Variants in C4orf51 observed in about 807,000 individuals in gnomAD.
C4orf51 encodes chromosome 4 open reading frame 51.
A neutral mutation model predicts 25.2 loss-of-function variants in C4orf51; 25 were observed. The observed-to-expected ratio is 0.99, with a 90% CI of 0.72 to 1.39. The LOEUF is 1.39. Ranked by LOEUF, C4orf51 falls within the 40% of genes most tolerant of loss-of-function variation. The probability of loss-of-function intolerance (pLI) is 0.00; values close to 1 mark genes in which losing one functional copy is unlikely to be tolerated. For missense variants in C4orf51, 252 were observed against 239.6 expected (o/e 1.05, Z -0.34); for synonymous variants, 100 against 84.5 (o/e 1.18, Z -1.01).
Position 145,728,615 on chromosome 4 carries a change from T to C in C4orf51, c.367-554T>C, listed in dbSNP as rs189555829. Among the ~76,000 whole-genome samples the C allele has an allele frequency of 3.0e-3, 458 of 152,344 alleles. 2 individuals carry two copies. Among genetic ancestry groups the C allele is most frequent in the African/African-American group, 0.01 (418 of 41,598 alleles). ...TGATCAATATATAATTTTGTTTTTA[T>C]GTATATTTCTGTTTAAAGACACTTA... is the stretch of plus-strand genomic sequence containing the variant. On this transcript the variant is annotated intron_variant, in intron 3 of 5. Transcript: ENST00000438731.
intron 1 of C4orf51, among the ~76,000 whole-genome samples, chr4:145,749,170 A>G (rs1172040165): frequency 3.3e-5 from 5 of 151,086 alleles, no homozygotes; most frequent in African/African-American, 1.2e-4. Flanking sequence ...CTCTTCTTAT[A>G]ATTTTTGAAA....
At chr4:145,688,200 TAAAAAAAAA>T (rs554716520) in intron 1 of C4orf51, among the ~76,000 whole-genome samples, 3 of 98,830 alleles carry the variant, frequency 3.0e-5, no homozygotes, top group Non-Finnish European at 4.1e-5. Flanking sequence ...GATCCTACCT[TAAAAAAAAA>T]AAAAAAAAAA....
In C4orf51 at chr4:145,731,564, C is replaced by CTTTTTTTTTTTTTT. The variant is rs398051305; in HGVS notation, c.502-869_502-856dup. On this transcript the variant is annotated intron_variant, in intron 5 of 5. Transcript: ENST00000438731. ...TTTTTATTTATGAGACAAGGCAAAT[C>CTTTTTTTTTTTTTT]TTTTTTTTTTTTTTTTTTTTTTTTT... Among the ~76,000 whole-genome samples, 9 of 43,860 alleles carry CTTTTTTTTTTTTTT rather than the reference C, an allele frequency of 2.1e-4. 1 individual carries two copies. The highest frequency in any genetic ancestry group is 2.6e-4 in the Non-Finnish European group (7 of 26,418). 28.8% of individuals were successfully genotyped at this position (43,860 alleles called of 152,430 possible).
intron 1 of C4orf51, among the ~76,000 whole-genome samples, chr4:145,744,491 A>G (rs574625147): frequency 1.1e-4 from 17 of 152,222 alleles, no homozygotes; most frequent in African/African-American, 4.1e-4. Flanking sequence ...ATATTTCACT[A>G]TTGCTGCTAC....
chr4:145,755,712 T>C (rs141083880), downstream of C4orf51, among the ~76,000 whole-genome samples: 8 of 152,362 alleles, frequency 5.3e-5, no homozygotes, highest in East Asian at 1.5e-3. Flanking sequence ...GGGCCTGTTT[T>C]ACAGGCATTT....
At chr4:145,760,667 T>C in intron 1 of C4orf51, 1 of 697,228 alleles carries the variant, frequency 1.4e-6, no homozygotes, top group Non-Finnish European at 1.9e-6. Context: ...CCCATCGGGG[T>C]CTGTAGGTTT....
At chr4:145,734,285 G>A (rs1293374158), downstream of C4orf51, among the ~76,000 whole-genome samples, 1 of 152,166 alleles carries the variant, frequency 6.6e-6, no homozygotes, top group Non-Finnish European at 1.5e-5. Flanking sequence ...GACTCTGAGT[G>A]TTGTAACTAG....
chr4:145,682,604 A>G (rs1560815406), intron 1 of C4orf51, among the ~76,000 whole-genome samples: 1 of 152,226 alleles, frequency 6.6e-6, no homozygotes, highest in Non-Finnish European at 1.5e-5. Flanking sequence ...TTATTTATTT[A>G]CCACATACAT....
At chr4:145,690,453 G>C (rs926992909) in intron 1 of C4orf51, among the ~76,000 whole-genome samples, 10 of 152,004 alleles carry the variant, frequency 6.6e-5, no homozygotes, top group Non-Finnish European at 1.5e-4. Context: ...TGCAGTGAGC[G>C]AGATGGCGCC....
intron 1 of C4orf51, among the ~76,000 whole-genome samples, chr4:145,745,057 A>C (rs1452163373): frequency 6.6e-6 from 1 of 152,224 alleles, no homozygotes; most frequent in African/African-American, 2.4e-5. Context: ...CAAAGAAAAA[A>C]TGAAAAATTT....
chr4:145,716,639 G>A (rs1472714294), intron 2 of C4orf51, among the ~76,000 whole-genome samples: 2 of 152,196 alleles, frequency 1.3e-5, no homozygotes, highest in African/African-American at 4.8e-5. Flanking sequence ...AAAATATTCA[G>A]GTAATGCCCA....
At chr4:145,768,916 T>TATATATATA (rs34051922) in intron 1 of C4orf51, among the ~76,000 whole-genome samples, 1 of 34,428 alleles carries the variant, frequency 2.9e-5, no homozygotes, top group Non-Finnish European at 5.2e-5. Context: ...TATATATATA[T>TATATATATA]TAGGTATACA....
At chr4:145,719,251 T>C (rs954039887) in intron 2 of C4orf51, among the ~76,000 whole-genome samples, 1 of 151,524 alleles carries the variant, frequency 6.6e-6, no homozygotes, top group African/African-American at 2.4e-5. Context: ...TCTTTGTTTA[T>C]AATTTGTCTT....
chr4:145,717,564 C>T (rs1731489488), intron 2 of C4orf51, among the ~76,000 whole-genome samples: 1 of 152,174 alleles, frequency 6.6e-6, no homozygotes, highest in Non-Finnish European at 1.5e-5. Flanking sequence ...TCAGTAGAGG[C>T]CAATTATATA....
At position 145,692,689 on chromosome 4, in the gene C4orf51, C is replaced by T. The variant is rs555615742; in HGVS notation, c.234-3870C>T. Among the ~76,000 whole-genome samples, 7 of 152,304 alleles carry T rather than the reference C, an allele frequency of 4.6e-5. No homozygotes were observed. In the East Asian group the frequency reaches 7.7e-4, roughly 17 times the overall value. On this transcript the variant is annotated intron_variant, in intron 1 of 5. Coordinates refer to ENST00000438731, the MANE Select transcript of C4orf51 (RefSeq NM_001080531.3). ...AGGCTGATATCAATTCCACTCTACCCCTGCCTCACAGAGTTACAGGTTCCT... is the reference window on the plus strand; with the variant it reads ...AGGCTGATATCAATTCCACTCTACCTCTGCCTCACAGAGTTACAGGTTCCT...
chr4:145,775,755 A>C (rs771632956), downstream of C4orf51: 2 of 1,612,270 alleles, frequency 1.2e-6, no homozygotes, highest in South Asian at 2.2e-5. Context: ...AGAGTCTGAG[A>C]AAGGCGGACT....
chr4:145,741,760 C>T (rs896972674), intron 1 of C4orf51, among the ~76,000 whole-genome samples: 5 of 151,950 alleles, frequency 3.3e-5, no homozygotes, highest in African/African-American at 7.3e-5. Context: ...TGCAGTGGCT[C>T]GATCTCAGCT....
intron 5 of C4orf51, among the ~76,000 whole-genome samples, 163 bp from the exon 6 acceptor site, chr4:145,732,290 A>G (rs901310855): frequency 1.3e-5 from 2 of 152,244 alleles, no homozygotes; most frequent in Admixed American, 6.5e-5. Context: ...GACACAATAT[A>G]TTAAACAGGA....
chr4:145,755,237 T>A (rs1217579465), downstream of C4orf51, among the ~76,000 whole-genome samples: 1 of 152,228 alleles, frequency 6.6e-6, no homozygotes, highest in Non-Finnish European at 1.5e-5. Context: ...CTTAACGGTA[T>A]GTCTTAATCA....
Sources: gnomAD v4.1 joint callset for allele counts (sites outside exome capture counted in the v4.1 genomes callset) on GRCh38, gnomAD v4.1.1 for gene constraint, MANE v1.5 for transcripts, NCBI Gene and HGNC (gene_info 2026-07-23, HGNC 2026-07-21) for gene names.